The following SLC30A8 variants were observed in gnomAD, a reference collection of about 807,000 sequenced individuals.
The protein encoded by SLC30A8 is solute carrier family 30 member 8, also known as proton-coupled zinc antiporter SLC30A8.
Under a neutral mutation model 36.9 loss-of-function variants are expected in SLC30A8, and 27 were observed. That is an observed-to-expected ratio of 0.73 (90% confidence interval 0.54 to 1.01). The LOEUF is 1.01. Ranked by LOEUF, SLC30A8 falls within the 50% of genes least tolerant of loss-of-function variation. SLC30A8 has a pLI of 0.00. For missense variants in SLC30A8, 439 were observed against 452.0 expected (o/e 0.97, Z 0.26); for synonymous variants, 164 against 172.4 (o/e 0.95, Z 0.38).
At chr8:117,146,911 T>G (rs1283421836) in intron 1 of SLC30A8, 43 bp from the exon 2 acceptor site, 2 of 1,610,228 alleles carry the variant, frequency 1.2e-6, no homozygotes, top group Admixed American at 1.7e-5. Context: ...GTGGCTTGTT[T>G]GCAACTATGT....
In SLC30A8 at chr8:116,985,334, A is replaced by AC. The variant is rs1563735126; in HGVS notation, c.-266+34215_-266+34216insC. Among the ~76,000 whole-genome samples the AC allele has an allele frequency of 2.5e-4, 35 of 137,944 alleles. 1 individual carries two copies. The highest frequency in any genetic ancestry group is 8.4e-4 in the African/African-American group (32 of 37,992). 90.5% of individuals were successfully genotyped at this position (137,944 alleles called of 152,430 possible). ...CACACACACACACACACACACACAC[A>AC]AGTATGTATATCTTTTTTAAAACCC... On this transcript the variant is annotated intron_variant, in intron 1 of 10. Transcript: ENST00000427715.
chr8:117,020,698 G>A (rs891130645), intron 1 of SLC30A8, among the ~76,000 whole-genome samples: 3 of 152,116 alleles, frequency 2.0e-5, no homozygotes, highest in Admixed American at 6.5e-5. Context: ...AGAATGAACA[G>A]TATCTTTATC....
rs1026608714 is a variant in SLC30A8 at position 117,124,988 on chromosome 8, G to C, written c.-225-10292G>C. Among the ~76,000 whole-genome samples the C allele has an allele frequency of 2.0e-5, 3 of 151,782 alleles. No individual in the cohort carries two copies. The East Asian group carries it at 5.9e-4, about 30-fold the overall frequency. On this transcript the variant is annotated intron_variant, in intron 2 of 10. Transcript: ENST00000427715. ...CATACATAGCATCTAATGAAATGAAGGAAAACATCAACAATAAAAAAAATA... is the reference window on the plus strand; with the variant it reads ...CATACATAGCATCTAATGAAATGAACGAAAACATCAACAATAAAAAAAATA...
chr8:117,005,434 A>G (rs1043195708), intron 1 of SLC30A8, among the ~76,000 whole-genome samples: 12 of 152,194 alleles, frequency 7.9e-5, no homozygotes, highest in African/African-American at 2.2e-4. Context: ...CCAATATTCC[A>G]TTGTATGAAT....
intron 1 of SLC30A8, among the ~76,000 whole-genome samples, chr8:117,023,834 A>G (rs1361202664): frequency 6.6e-6 from 1 of 152,086 alleles, no homozygotes; most frequent in East Asian, 1.9e-4. Context: ...ACTAACCTGC[A>G]CATTGTGCAC....
chr8:117,104,137 T>C (rs765918383), intron 2 of SLC30A8, among the ~76,000 whole-genome samples: 1 of 152,136 alleles, frequency 6.6e-6, no homozygotes, highest in Non-Finnish European at 1.5e-5. Context: ...AGACCCCAAC[T>C]TGGGGTTCTC....
intron 1 of SLC30A8, among the ~76,000 whole-genome samples, chr8:117,014,547 AGGT>A (rs1816448407): frequency 6.6e-6 from 1 of 152,156 alleles, no homozygotes; most frequent in African/African-American, 2.4e-5. Context: ...TGGTCTTTTT[AGGT>A]CCCTTTTGGA....
intron 1 of SLC30A8, among the ~76,000 whole-genome samples, chr8:117,023,540 C>G (rs1816775464): frequency 1.3e-5 from 2 of 151,962 alleles, no homozygotes; most frequent in Non-Finnish European, 2.9e-5. Context: ...ACTATGCAGC[C>G]ATGAAAAATG....
chr8:117,084,248 T>G (rs1025260507), intron 2 of SLC30A8, among the ~76,000 whole-genome samples: 1 of 152,136 alleles, frequency 6.6e-6, no homozygotes, highest in African/African-American at 2.4e-5. Flanking sequence ...CTTATTGTCT[T>G]ATACTTGTGG....
chr8:116,994,941 A>G (rs1815766025), intron 1 of SLC30A8, among the ~76,000 whole-genome samples: 1 of 152,124 alleles, frequency 6.6e-6, no homozygotes. Context: ...TGTAATCAGG[A>G]TAATAATGTT....
At chr8:117,096,441 T>C (rs1819367090) in intron 2 of SLC30A8, among the ~76,000 whole-genome samples, 1 of 152,062 alleles carries the variant, frequency 6.6e-6, no homozygotes, top group South Asian at 2.1e-4. Flanking sequence ...TGGAACCCAA[T>C]TGGTTCTATG....
At chr8:117,056,350 C>T (rs1817870259) in intron 2 of SLC30A8, among the ~76,000 whole-genome samples, 1 of 152,144 alleles carries the variant, frequency 6.6e-6, no homozygotes, top group African/African-American at 2.4e-5. Flanking sequence ...TCCATCACCA[C>T]AGCAGTAGCT....
At chr8:117,081,729 T>TTTCAATTC (rs1219048723) in intron 2 of SLC30A8, among the ~76,000 whole-genome samples, 2 of 152,202 alleles carry the variant, frequency 1.3e-5, no homozygotes, top group East Asian at 3.8e-4. Context: ...AGGTCTGCCT[T>TTTCAATTC]TTCAATTCAC....
intron 2 of SLC30A8, among the ~76,000 whole-genome samples, chr8:117,121,905 A>G (rs1042423400): frequency 2.0e-5 from 3 of 151,962 alleles, no homozygotes; most frequent in African/African-American, 7.2e-5. Context: ...GAAAAGTTCT[A>G]AAGACCTAAA....
At chr8:117,123,520 G>A (rs1334744316) in intron 2 of SLC30A8, among the ~76,000 whole-genome samples, 1 of 151,992 alleles carries the variant, frequency 6.6e-6, no homozygotes, top group African/African-American at 2.4e-5. Context: ...ATAAAAGTTT[G>A]TGAGATACTT....
At chr8:117,009,368 A>T (rs1428988185) in intron 1 of SLC30A8, among the ~76,000 whole-genome samples, 1 of 152,220 alleles carries the variant, frequency 6.6e-6, no homozygotes, top group Non-Finnish European at 1.5e-5. Flanking sequence ...AGAAAAAAAG[A>T]CTATTTTCTG....
chr8:117,125,914 T>A (rs1223452374), intron 2 of SLC30A8, among the ~76,000 whole-genome samples: 1 of 152,012 alleles, frequency 6.6e-6, no homozygotes, highest in Non-Finnish European at 1.5e-5. Flanking sequence ...ATTAAAATAG[T>A]ATCTGTAATA....
intron 1 of SLC30A8, among the ~76,000 whole-genome samples, chr8:117,025,527 C>T (rs1044599453): frequency 6.6e-6 from 1 of 152,166 alleles, no homozygotes; most frequent in Non-Finnish European, 1.5e-5. Flanking sequence ...GATTGAACTC[C>T]TAGTGAGTTA....
chr8:117,019,790 G>A (rs1563750920), intron 1 of SLC30A8, among the ~76,000 whole-genome samples: 1 of 152,210 alleles, frequency 6.6e-6, no homozygotes, highest in Non-Finnish European at 1.5e-5. Context: ...GCAAGCAAAG[G>A]CATTGAGGAG....
Sources: gnomAD v4.1 joint callset for allele counts (sites outside exome capture counted in the v4.1 genomes callset) on GRCh38, gnomAD v4.1.1 for gene constraint, MANE v1.5 for transcripts, NCBI Gene and HGNC (gene_info 2026-07-23, HGNC 2026-07-21) for gene names.